Variants in TRAPPC9 observed in about 807,000 individuals in gnomAD.
The protein encoded by TRAPPC9 is IKK2 binding protein.
In TRAPPC9, 83 loss-of-function variants were observed where a neutral mutation model predicts 124.0. That is an observed-to-expected ratio of 0.67 (90% CI 0.56 to 0.80). TRAPPC9 has a LOEUF of 0.80. TRAPPC9 is among the 30% of genes least tolerant of loss of function. The pLI, the probability that TRAPPC9 is intolerant of heterozygous loss-of-function variation, is 0.00. For missense variants in TRAPPC9, 1,302 were observed against 1,508.3 expected (o/e 0.86, Z 2.27); for synonymous variants, 638 against 617.5 (o/e 1.03, Z -0.49).
At chr8:139,975,824 C>A (rs1836403978) in intron 19 of TRAPPC9, among the ~76,000 whole-genome samples, 1 of 152,056 alleles carries the variant, frequency 6.6e-6, no homozygotes, top group African/African-American at 2.4e-5. Flanking sequence ...TCCCCATCAG[C>A]TGCTCTCTCT....
At chr8:140,302,622 G>A (rs562494984) in intron 10 of TRAPPC9, 6 of 152,232 alleles carry the variant, frequency 3.9e-5, no homozygotes, top group Admixed American at 1.3e-4. Flanking sequence ...ACCGCAGAGC[G>A]CTGATCAGGA....
rs920571426 is a variant in TRAPPC9 at position 140,397,830 on chromosome 8, A to C, written c.1009-85T>G. 28 of 1,566,250 alleles carry C rather than the reference A, an allele frequency of 1.8e-5. No homozygotes were observed. The African/African-American group carries it at 3.5e-4, about 20-fold the overall frequency. On this transcript the variant is annotated intron_variant, in intron 6 of 22. Transcript: ENST00000438773. ...CTAAAGGCTGTGCTACTGGGACTCAATAACTACAACAGCACTTCCCCCATC... is the reference window on the plus strand; with the variant it reads ...CTAAAGGCTGTGCTACTGGGACTCACTAACTACAACAGCACTTCCCCCATC...
rs779763186 is a variant in TRAPPC9, at chr8:140,430,933, C to T, written c.859+4179G>A. On this transcript the variant is annotated intron_variant, in intron 4 of 22. Coordinates refer to ENST00000438773, the MANE Select transcript of TRAPPC9 (RefSeq NM_001160372.4). ...AGGATTACAGGTGTGAGCCACCATG[C>T]CCGGCAGAGAATGTGGTTTCATCAC... is the stretch of plus-strand genomic sequence containing the variant. Among the ~76,000 whole-genome samples the T allele has an allele frequency of 3.2e-4, 48 of 152,076 alleles. 1 individual carries two copies. Among genetic ancestry groups the T allele is most frequent in the Non-Finnish European group, 5.3e-4 (36 of 68,016 alleles).
intron 19 of TRAPPC9, among the ~76,000 whole-genome samples, chr8:139,918,286 G>A (rs1316340031): frequency 1.3e-5 from 2 of 152,204 alleles, no homozygotes; most frequent in African/African-American, 2.4e-5. Flanking sequence ...TGGCTTCTCC[G>A]AAGAGGGATG....
At chr8:140,264,600 G>A (rs1298235706) in intron 15 of TRAPPC9, among the ~76,000 whole-genome samples, 1 of 146,708 alleles carries the variant, frequency 6.8e-6, no homozygotes, top group Admixed American at 6.8e-5. Context: ...GAGAGGAGGG[G>A]GAGGGGGAAG....
intron 21 of TRAPPC9, among the ~76,000 whole-genome samples, chr8:139,851,428 G>A (rs963807606): frequency 6.6e-6 from 1 of 152,158 alleles, no homozygotes; most frequent in African/African-American, 2.4e-5. Flanking sequence ...TCCGGGAGCT[G>A]TATGCGAGTG....
intron 7 of TRAPPC9, among the ~76,000 whole-genome samples, chr8:140,385,543 A>G (rs1423498933): frequency 6.6e-6 from 1 of 152,220 alleles, no homozygotes; most frequent in Non-Finnish European, 1.5e-5. Context: ...AAACACCTCT[A>G]TGCAAATAAA....
chr8:139,759,457 G>C (rs979145470), intron 21 of TRAPPC9, among the ~76,000 whole-genome samples: 1 of 152,198 alleles, frequency 6.6e-6, no homozygotes. Context: ...GTCAAGGCTG[G>C]TGTCCTGGGC....
intron 3 of TRAPPC9, among the ~76,000 whole-genome samples, chr8:140,437,393 G>A (rs1026671259): frequency 6.6e-6 from 1 of 152,160 alleles, no homozygotes; most frequent in Non-Finnish European, 1.5e-5. Context: ...GGGAGGCCAA[G>A]GCAGGCATAT....
At chr8:140,320,832 CT>C (rs1260115608) in intron 9 of TRAPPC9, among the ~76,000 whole-genome samples, 4 of 152,180 alleles carry the variant, frequency 2.6e-5, no homozygotes, top group African/African-American at 9.7e-5. Context: ...GTCAGGCCCT[CT>C]ACAAACCCTA....
intron 5 of TRAPPC9, among the ~76,000 whole-genome samples, chr8:140,406,520 C>T (rs933044417): frequency 2.6e-5 from 4 of 152,202 alleles, no homozygotes; most frequent in African/African-American, 9.7e-5. Context: ...TCACACTGCC[C>T]TCATCCCCTG....
intron 21 of TRAPPC9, among the ~76,000 whole-genome samples, chr8:139,791,517 C>T (rs1436859145): frequency 2.6e-5 from 4 of 151,592 alleles, no homozygotes; most frequent in Non-Finnish European, 5.9e-5. Flanking sequence ...GACTCACACA[C>T]ACACTCACAC....
rs556790474 is a variant in TRAPPC9 at position 140,132,259 on chromosome 8, T to G, written c.2556+89200A>C. 2.6e-5 allele frequency among the ~76,000 whole-genome samples: 4 copies of G among 152,310 alleles called. No homozygotes were observed. The South Asian group carries it at 6.2e-4, about 24-fold the overall frequency. ...GGTGCCTCCAAAACAACGTGCTCCT[T>G]GGACTTTCCCTTTGTAAGAAGTGTT... On this transcript the variant is annotated intron_variant, in intron 17 of 22. Coordinates refer to ENST00000438773, the MANE Select transcript of TRAPPC9 (RefSeq NM_001160372.4).
chr8:140,199,192 T>C (rs972326906), intron 17 of TRAPPC9, among the ~76,000 whole-genome samples: 10 of 152,150 alleles, frequency 6.6e-5, no homozygotes, highest in Admixed American at 2.0e-4. Context: ...CCTGGGGGTC[T>C]GTGGAATGTG....
chr8:140,214,812 G>C (rs867607026), intron 17 of TRAPPC9, among the ~76,000 whole-genome samples: 1 of 152,100 alleles, frequency 6.6e-6, no homozygotes, highest in Non-Finnish European at 1.5e-5. Flanking sequence ...ATGGAGGAAG[G>C]CATCTTTCTG....
At chr8:140,050,336 T>A (rs948977239) in intron 17 of TRAPPC9, among the ~76,000 whole-genome samples, 3 of 152,238 alleles carry the variant, frequency 2.0e-5, no homozygotes, top group African/African-American at 7.2e-5. Context: ...AACTGGAGAA[T>A]GCAGAATTAA....
At chr8:140,095,026 A>G (rs1036288889) in intron 17 of TRAPPC9, 3 of 152,194 alleles carry the variant, frequency 2.0e-5, no homozygotes, top group African/African-American at 7.2e-5. Flanking sequence ...TTAGAATTGG[A>G]TTTCCAGAAG....
At position 140,018,324 on chromosome 8, in the gene TRAPPC9, A is replaced by ATTTTTTTTTTTTTT. The variant is rs1554608008; in HGVS notation, c.2699+5599_2699+5612dup. On this transcript the variant is annotated intron_variant, in intron 18 of 22. Coordinates refer to ENST00000438773, the MANE Select transcript of TRAPPC9 (RefSeq NM_001160372.4). ...TTGCTGGTATATAGAAACGTAAGTG[A>ATTTTTTTTTTTTTT]TTTTTTTTTTTTTTTTTGAGACGGA... Among the ~76,000 whole-genome samples the ATTTTTTTTTTTTTT allele has an allele frequency of 2.2e-4, 26 of 119,776 alleles. 2 individuals are homozygous for ATTTTTTTTTTTTTT. Among genetic ancestry groups the ATTTTTTTTTTTTTT allele is most frequent in the Non-Finnish European group, 2.9e-4 (17 of 59,274 alleles). The allele number at this position is 119,776 out of a possible 152,430, so 78.6% of individuals were successfully genotyped here. A position where few individuals can be genotyped will look rare whatever the true frequency, so the allele number is the denominator to read the frequency against.
chr8:140,031,153 C>T (rs571241269), intron 17 of TRAPPC9, among the ~76,000 whole-genome samples: 2 of 152,270 alleles, frequency 1.3e-5, no homozygotes, highest in Non-Finnish European at 2.9e-5. Flanking sequence ...GTGAGGCCCT[C>T]GAAGAGGCTT....
Sources: allele counts gnomAD v4.1 joint callset (sites outside exome capture counted in the v4.1 genomes callset), GRCh38; gene constraint gnomAD v4.1.1; transcripts MANE v1.5; gene names NCBI Gene and HGNC (gene_info 2026-07-23, HGNC 2026-07-21).